Variants in SLC37A3 observed in about 807,000 individuals in gnomAD.
SLC37A3 encodes sugar phosphate exchanger 3.
Under a neutral mutation model 67.1 loss-of-function variants are expected in SLC37A3, and 51 were observed. The ratio of observed to expected loss-of-function variants is 0.76; its 90% confidence interval spans 0.61 to 0.96. The LOEUF (loss-of-function observed/expected upper bound fraction) is 0.96, where lower values mean the gene tolerates loss of function less well. SLC37A3 is among the 40% of genes least tolerant of loss of function. SLC37A3 has a pLI of 0.00. For missense variants in SLC37A3, 508 were observed against 603.0 expected (o/e 0.84, Z 1.65); for synonymous variants, 214 against 231.4 (o/e 0.92, Z 0.68).
At position 140,369,635 on chromosome 7, in the gene SLC37A3, AAG is replaced by A. The variant is rs1432329126; in HGVS notation, c.244_245del (p.Leu82PhefsTer124). On this transcript the variant is annotated frameshift_variant, in exon 4 of 15. Transcript: ENST00000326232. LOFTEE classifies it high-confidence loss of function. ...AAATGGTATCCAGTGTGCCGAGGAAAAGAGTCGCTTTCTCTGCACTGGGGAAC... is the reference window on the plus strand; with the variant it reads ...AAATGGTATCCAGTGTGCCGAGGAAAAGTCGCTTTCTCTGCACTGGGGAAC... ...HLFPSAEKATLFLGTLDTIFL... is the reference protein window; with the variant it reads ...HLFPSAEKATXFLGTLDTIFL... 6.2e-7 allele frequency: 1 copy of A among 1,613,958 alleles called. No homozygotes were observed. Among genetic ancestry groups the A allele is most frequent in the Non-Finnish European group, 8.5e-7 (1 of 1,179,996 alleles).
In SLC37A3 at chr7:140,334,650, C is replaced by T. The variant is rs552172083; in HGVS notation, c.*762G>A. On this transcript the variant is annotated 3_prime_UTR_variant, in exon 15 of 15. Coordinates refer to ENST00000326232, the MANE Select transcript of SLC37A3 (RefSeq NM_207113.3). ...ATGATGTACCTTATGGTCCTTTACACGTCAGAATGTTCAAGATAACTGATG... is the reference window on the plus strand; with the variant it reads ...ATGATGTACCTTATGGTCCTTTACATGTCAGAATGTTCAAGATAACTGATG... The T allele has an allele frequency of 5.5e-4, 85 of 154,336 alleles. No homozygotes were observed. Among genetic ancestry groups the T allele is most frequent in the South Asian group, 1.6e-3 (8 of 4,922 alleles). The allele number at this position is 154,336 out of a possible 1,614,324, so 9.6% of individuals were successfully genotyped here.
At chr7:140,355,534 T>C (rs1796989065) in intron 7 of SLC37A3, 134 bp downstream of exon 7, 1 of 811,898 alleles carries the variant, frequency 1.2e-6, no homozygotes, top group South Asian at 1.9e-5. Flanking sequence ...CTACTTTTAA[T>C]ACAAGCCTTG....
chr7:140,392,370 T>C (rs181215836), intron 1 of SLC37A3, among the ~76,000 whole-genome samples: 1 of 152,242 alleles, frequency 6.6e-6, no homozygotes, highest in Admixed American at 6.5e-5. Flanking sequence ...TCCAACCCAT[T>C]ACTAAATCCA....
intron 1 of SLC37A3, among the ~76,000 whole-genome samples, chr7:140,394,204 G>A (rs2129979756): frequency 6.6e-6 from 1 of 151,840 alleles, no homozygotes; most frequent in East Asian, 2.0e-4. Flanking sequence ...TCAATGAATT[G>A]GTTGACTGAC....
chr7:140,368,820 C>T (rs1040438367), intron 4 of SLC37A3, among the ~76,000 whole-genome samples: 2 of 152,154 alleles, frequency 1.3e-5, no homozygotes, highest in Admixed American at 6.6e-5. Flanking sequence ...TTACATTCCA[C>T]ATTCAAGAGG....
chr7:140,394,295 G>A (rs1049456368), intron 1 of SLC37A3, among the ~76,000 whole-genome samples: 1 of 152,072 alleles, frequency 6.6e-6, no homozygotes, highest in Non-Finnish European at 1.5e-5. Context: ...TTCTCTCAAT[G>A]TTTTACAGAT....
At chr7:140,392,261 C>G (rs1392212924) in intron 1 of SLC37A3, among the ~76,000 whole-genome samples, 1 of 152,232 alleles carries the variant, frequency 6.6e-6, no homozygotes, top group East Asian at 1.9e-4. Context: ...CCTGCAACAA[C>G]CCTTGGTATT....
At chr7:140,390,124 C>T (rs544461248) in intron 1 of SLC37A3, among the ~76,000 whole-genome samples, 1 of 152,030 alleles carries the variant, frequency 6.6e-6, no homozygotes, top group Non-Finnish European at 1.5e-5. Flanking sequence ...CCAACTGTCT[C>T]GTATTAGGAA....
chr7:140,371,371 G>A (rs1448734801), intron 3 of SLC37A3, among the ~76,000 whole-genome samples: 5 of 151,750 alleles, frequency 3.3e-5, no homozygotes, highest in South Asian at 2.1e-4. Context: ...ACGGGGTTTC[G>A]CCATGTTGGC....
chr7:140,362,912 G>T (rs1256032528), intron 5 of SLC37A3, among the ~76,000 whole-genome samples: 1 of 52,362 alleles, frequency 1.9e-5, no homozygotes, highest in Non-Finnish European at 4.1e-5. Context: ...GGGGGGGGGG[G>T]TCGGCCAGCC....
At chr7:140,351,131 A>G in intron 9 of SLC37A3, 142 bp downstream of exon 9, 1 of 763,206 alleles carries the variant, frequency 1.3e-6, no homozygotes. Context: ...GAGGGGCACT[A>G]GACAACATTC....
In SLC37A3 at chr7:140,351,925, C is replaced by T. The variant is rs1354809903; in HGVS notation, c.703+137G>A. On this transcript the variant is annotated intron_variant, in intron 8 of 14. Transcript: ENST00000326232. ...TACAATGTCGACAGGACTCAAACGGCAGTACTGTTCTCCTTTCACTCACTA... is the reference window on the plus strand; with the variant it reads ...TACAATGTCGACAGGACTCAAACGGTAGTACTGTTCTCCTTTCACTCACTA... The T allele has an allele frequency of 6.9e-6, 6 of 865,252 alleles. No individual in the cohort carries two copies. The Admixed American group carries it at 8.0e-5, about 12-fold the overall frequency. The allele number at this position is 865,252 out of a possible 1,614,324, so 53.6% of individuals were successfully genotyped here. A position where few individuals can be genotyped will look rare whatever the true frequency, so the allele number is the denominator to read the frequency against.
At chr7:140,339,181 G>A (rs2117011695) in intron 13 of SLC37A3, among the ~76,000 whole-genome samples, 1 of 152,050 alleles carries the variant, frequency 6.6e-6, no homozygotes, top group Non-Finnish European at 1.5e-5. Context: ...ATTTGCTGAT[G>A]GACCCAAGTT....
At chr7:140,353,869 G>A (rs1035846568) in intron 7 of SLC37A3, among the ~76,000 whole-genome samples, 2 of 151,972 alleles carry the variant, frequency 1.3e-5, no homozygotes, top group African/African-American at 4.8e-5. Context: ...CCGTGACCAC[G>A]CCCGGCTAAT....
intron 5 of SLC37A3, among the ~76,000 whole-genome samples, chr7:140,361,559 C>T (rs1299432899): frequency 7.5e-6 from 1 of 133,382 alleles, no homozygotes; most frequent in Non-Finnish European, 1.6e-5. Context: ...GTCTCCCTCT[C>T]TCTCCACGGT....
intron 1 of SLC37A3, among the ~76,000 whole-genome samples, chr7:140,390,284 T>A (rs956091779): frequency 1.3e-5 from 2 of 151,966 alleles, no homozygotes; most frequent in Admixed American, 6.6e-5. Flanking sequence ...CTTTTGACCA[T>A]GCTCTCTGGA....
intron 5 of SLC37A3, among the ~76,000 whole-genome samples, chr7:140,360,176 C>T (rs1209439657): frequency 6.6e-6 from 1 of 151,940 alleles, no homozygotes; most frequent in Non-Finnish European, 1.5e-5. Flanking sequence ...AGTGAGACCC[C>T]ATGACTAAAA....
intron 10 of SLC37A3, among the ~76,000 whole-genome samples, chr7:140,348,055 T>A (rs1383686157): frequency 6.6e-6 from 1 of 152,164 alleles, no homozygotes; most frequent in African/African-American, 2.4e-5. Context: ...TAGAAAATAA[T>A]AACAATATAC....
rs372068419 is a variant in SLC37A3 at position 140,371,184 on chromosome 7, A to T, written c.199-1502T>A. Among the ~76,000 whole-genome samples the T allele has an allele frequency of 1.8e-4, 28 of 152,086 alleles. 1 individual carries two copies. The highest frequency in any genetic ancestry group is 6.3e-4 in the African/African-American group (26 of 41,506). ...GAATTCTTTCTATTTTTATTTATTT[A>T]TTTATTTTTGAGACAGAGTCTCACT... On this transcript the variant is annotated intron_variant, in intron 3 of 14. Transcript: ENST00000326232.
Sources: gnomAD v4.1 joint callset for allele counts (sites outside exome capture counted in the v4.1 genomes callset) on GRCh38, gnomAD v4.1.1 for gene constraint, MANE v1.5 for transcripts, NCBI Gene and HGNC (gene_info 2026-07-23, HGNC 2026-07-21) for gene names.